Variants in SCFD1 observed in about 807,000 individuals in gnomAD.
SCFD1 encodes the protein sec1 family domain containing 1.
In SCFD1, 37 loss-of-function variants were observed where a neutral mutation model predicts 103.2. That is an observed-to-expected ratio of 0.36 (90% CI 0.28 to 0.47). The LOEUF is 0.47. Ranked by LOEUF, SCFD1 falls within the 20% of genes least tolerant of loss-of-function variation. The probability of loss-of-function intolerance (pLI) is 1.00; values close to 1 mark genes in which losing one functional copy is unlikely to be tolerated. For missense variants in SCFD1, 639 were observed against 761.2 expected, an observed-to-expected ratio of 0.84 and a Z score of 1.89; for synonymous variants, 264 against 245.0, an observed-to-expected ratio of 1.08 and a Z score of -0.73.
intron 19 of SCFD1, among the ~76,000 whole-genome samples, chr14:30,708,331 T>C (rs564709327): frequency 6.6e-6 from 1 of 152,238 alleles, no homozygotes; most frequent in African/African-American, 2.4e-5. Context: ...CACTTCCCTA[T>C]TGCTCTCCCG....
Position 30,622,321 on chromosome 14 carries a change from T to G in SCFD1, c.-18T>G. 2 of 1,588,470 alleles carry G rather than the reference T, an allele frequency of 1.3e-6. No homozygotes were observed. The highest frequency in any genetic ancestry group is 8.6e-7 in the Non-Finnish European group (1 of 1,168,632). On this transcript the variant is annotated 5_prime_UTR_variant, in exon 1 of 25. Transcript: ENST00000458591. ...CCCGCTCCGCTCCCCAGCCGGGCAG[T>G]GGCTCGTGGGAGCCAAGATGGCGGC...
chr14:30,637,991 C>T, intron 4 of SCFD1, 134 bp from the exon 5 acceptor site: 1 of 1,190,876 alleles, frequency 8.4e-7, no homozygotes, highest in African/African-American at 1.6e-5. Context: ...AAGGTTTTTT[C>T]TCTTGGGATA....
In SCFD1 at chr14:30,683,376, A is replaced by G. The variant is rs544483022; in HGVS notation, c.1242+8311A>G. On this transcript the variant is annotated intron_variant, in intron 14 of 24. Transcript: ENST00000458591. ...TAGTGAGAGCTTATGCTTATACCTC[A>G]GGTCTTCATATATTGTGGCAGCTGC... The G allele has an allele frequency of 7.5e-5, 41 of 547,024 alleles. 1 individual carries two copies. Among genetic ancestry groups the G allele is most frequent in the South Asian group, 4.9e-4 (28 of 57,578 alleles). The allele number at this position is 547,024 out of a possible 1,614,324, so 33.9% of individuals were successfully genotyped here.
chr14:30,627,764 AAAAG>A (rs1566571186), intron 1 of SCFD1, among the ~76,000 whole-genome samples: 1 of 133,956 alleles, frequency 7.5e-6, no homozygotes, highest in African/African-American at 3.1e-5. Context: ...AAAAAAAAAA[AAAAG>A]AAAGACTGAT....
intron 7 of SCFD1, 58 bp from the exon 8 acceptor site, chr14:30,649,470 A>G (rs375182003): frequency 2.4e-4 from 255 of 1,072,682 alleles, no homozygotes; most frequent in Middle Eastern, 4.0e-4. Context: ...GATGTATTTT[A>G]TAAGTATCTA....
chr14:30,655,511 G>A (rs1336323226), intron 10 of SCFD1, among the ~76,000 whole-genome samples: 1 of 152,196 alleles, frequency 6.6e-6, no homozygotes, highest in Admixed American at 6.5e-5. Context: ...TTTGAAGACT[G>A]TCACTCTAGC....
At chr14:30,678,457 C>A (rs1443716761) in intron 14 of SCFD1, among the ~76,000 whole-genome samples, 1 of 152,084 alleles carries the variant, frequency 6.6e-6, no homozygotes, top group South Asian at 2.1e-4. Flanking sequence ...GTTGAATACT[C>A]ATTTGTTTTG....
intron 9 of SCFD1, among the ~76,000 whole-genome samples, chr14:30,651,280 A>G (rs1024035141): frequency 6.6e-6 from 1 of 152,206 alleles, no homozygotes; most frequent in African/African-American, 2.4e-5. Context: ...GAATTAATAA[A>G]TAAAGCCCAA....
intron 9 of SCFD1, among the ~76,000 whole-genome samples, chr14:30,651,567 C>CT (rs11410375): frequency 0.34 from 48,909 of 145,668 alleles, 9,062 homozygotes; most frequent in East Asian, 0.62. Flanking sequence ...CTCACCTGAT[C>CT]TTTTTTTTTT....
chr14:30,711,329 C>T (rs182782591), intron 19 of SCFD1, among the ~76,000 whole-genome samples: 3 of 152,300 alleles, frequency 2.0e-5, no homozygotes, highest in South Asian at 2.1e-4. Flanking sequence ...TTTTATATGT[C>T]GGGTGCAGTG....
intron 14 of SCFD1, among the ~76,000 whole-genome samples, chr14:30,691,369 T>G (rs968684296): frequency 1.3e-5 from 2 of 152,206 alleles, no homozygotes; most frequent in African/African-American, 4.8e-5. Flanking sequence ...ATTTTATGTT[T>G]AGGGTTCTGT....
chr14:30,638,170 T>C lies in SCFD1; in HGVS notation c.358T>C (p.Ser120Pro). Residue 120 changes from serine to proline, a missense_variant, in exon 5 of 25, where the codon TCT becomes CCT. Physicochemically the swap from Ser to Pro is moderately conservative, Grantham distance 74. Transcript: ENST00000458591. ...LYESYYLNFISAISRSKLEDI... is the reference protein window; with the variant it reads ...LYESYYLNFIPAISRSKLEDI... ...TGAATCATATTATTTAAATTTTATT[T>C]CTGCTATTTCAAGAAGTAAACTGGA... 1 of 1,612,056 alleles carries C rather than the reference T, an allele frequency of 6.2e-7. No homozygotes were observed. Among genetic ancestry groups the C allele is most frequent in the Non-Finnish European group, 8.5e-7 (1 of 1,179,092 alleles).
chr14:30,680,344 G>A (rs555118345), intron 14 of SCFD1, among the ~76,000 whole-genome samples: 8 of 151,730 alleles, frequency 5.3e-5, no homozygotes, highest in Admixed American at 3.3e-4. Context: ...AGGATGTGGG[G>A]TTTTTTTTCT....
At chr14:30,716,096 A>G in intron 20 of SCFD1, 119 bp downstream of exon 20, 1 of 688,972 alleles carries the variant, frequency 1.5e-6, no homozygotes, top group Non-Finnish European at 2.6e-6. Flanking sequence ...ATACATGAGG[A>G]AAAGGAAGAG....
chr14:30,648,835 T>G (rs550558774), intron 7 of SCFD1, among the ~76,000 whole-genome samples: 2 of 152,162 alleles, frequency 1.3e-5, no homozygotes, highest in African/African-American at 4.8e-5. Context: ...TTAGCCAGGC[T>G]TGGTGGCCTG....
chr14:30,631,289 G>C (rs965960583), intron 3 of SCFD1, among the ~76,000 whole-genome samples: 2 of 152,108 alleles, frequency 1.3e-5, no homozygotes, highest in Admixed American at 6.5e-5. Context: ...GGAGGCAGAG[G>C]TTGCAGTGAG....
Position 30,722,515 on chromosome 14 carries a change from G to A in SCFD1, c.1792G>A (p.Gly598Arg). ...FQEAIVFVVG[G>R]GNYIEYQNLV... ...TTAGGCCATTGTTTTTGTGGTGGGA[G>A]GAGGCAACTACATTGAATATCAGAA... The change falls in exon 23 of 25, where the codon GGA becomes AGA. Residue 598 changes from glycine to arginine, a missense_variant. Coordinates refer to ENST00000458591, the MANE Select transcript of SCFD1 (RefSeq NM_016106.4). 2 of 1,600,898 alleles carry A rather than the reference G, an allele frequency of 1.2e-6. No individual in the cohort carries two copies. The highest frequency in any genetic ancestry group is 1.7e-6 in the Non-Finnish European group (2 of 1,173,290).
At chr14:30,733,686 G>A (rs767342844) in intron 23 of SCFD1, among the ~76,000 whole-genome samples, 13 of 152,208 alleles carry the variant, frequency 8.5e-5, no homozygotes, top group Non-Finnish European at 1.5e-4. Flanking sequence ...GGGCTGGCTT[G>A]CCAGCATTGT....
At chr14:30,675,258 C>T (rs1447325611) in intron 14 of SCFD1, 193 bp downstream of exon 14, 1 of 396,142 alleles carries the variant, frequency 2.5e-6, no homozygotes, top group East Asian at 4.0e-5. Flanking sequence ...TAAGTGATTT[C>T]CAAGGTCACA....
Sources: gnomAD v4.1 joint callset for allele counts (sites outside exome capture counted in the v4.1 genomes callset) on GRCh38, gnomAD v4.1.1 for gene constraint, MANE v1.5 for transcripts, NCBI Gene and HGNC (gene_info 2026-07-23, HGNC 2026-07-21) for gene names.